The following RASAL2 variants were observed in gnomAD, a reference collection of about 807,000 sequenced individuals.
RASAL2 encodes ras GTPase-activating protein nGAP.
RASAL2 carries 58 observed loss-of-function variants against 128.9 expected under a neutral mutation model. That is an observed-to-expected ratio of 0.45 (90% confidence interval 0.36 to 0.56). The LOEUF is 0.56. Ranked by LOEUF, RASAL2 falls within the 20% of genes least tolerant of loss-of-function variation. RASAL2 has a pLI of 0.00. For missense variants in RASAL2, 1,360 were observed against 1,601.6 expected (o/e 0.85, Z 2.57); for synonymous variants, 561 against 580.8 (o/e 0.97, Z 0.49).
intron 9 of RASAL2, among the ~76,000 whole-genome samples, chr1:178,450,715 C>A (rs1047842288): frequency 1.3e-5 from 2 of 152,082 alleles, no homozygotes; most frequent in African/African-American, 4.8e-5. Flanking sequence ...CTATAAAAAA[C>A]CAAGAATACA....
intron 4 of RASAL2, among the ~76,000 whole-genome samples, chr1:178,402,428 T>C (rs1673696755): frequency 6.6e-6 from 1 of 151,592 alleles, no homozygotes; most frequent in Non-Finnish European, 1.5e-5. Flanking sequence ...CCAACATATA[T>C]ATTATATATA....
At chr1:178,358,149 T>C (rs781769170) in intron 3 of RASAL2, among the ~76,000 whole-genome samples, 17 of 147,348 alleles carry the variant, frequency 1.2e-4, no homozygotes, top group Non-Finnish European at 1.9e-4. Context: ...GGCACAAGAA[T>C]TGCTTGAACC....
intron 3 of RASAL2, among the ~76,000 whole-genome samples, chr1:178,355,004 G>A (rs911267292): frequency 6.6e-6 from 1 of 152,120 alleles, no homozygotes; most frequent in African/African-American, 2.4e-5. Context: ...CATGCCTGTG[G>A]TCCCAGCTAC....
chr1:178,430,144 A>G (rs1381566637), intron 5 of RASAL2, among the ~76,000 whole-genome samples: 1 of 152,124 alleles, frequency 6.6e-6, no homozygotes, highest in Admixed American at 6.6e-5. Context: ...TTGGCCTGAA[A>G]CAGAAGAGGA....
At chr1:178,244,596 A>G (rs1364592221) in intron 1 of RASAL2, among the ~76,000 whole-genome samples, 7 of 152,170 alleles carry the variant, frequency 4.6e-5, no homozygotes, top group East Asian at 1.9e-4. Flanking sequence ...TCTGGGATAT[A>G]TGTGCTTAAT....
chr1:178,195,489 C>G (rs1036087573), intron 1 of RASAL2, among the ~76,000 whole-genome samples: 1 of 151,882 alleles, frequency 6.6e-6, no homozygotes, highest in Non-Finnish European at 1.5e-5. Flanking sequence ...GTGTGGCTCC[C>G]AAAGCCACAC....
At chr1:178,341,751 G>T in intron 3 of RASAL2, 2 of 1,178,642 alleles carry the variant, frequency 1.7e-6, no homozygotes, top group South Asian at 1.4e-5. Context: ...TTATTGCTGT[G>T]AGTTCACAGA....
At chr1:178,446,321 C>G (rs11581970) in intron 9 of RASAL2, among the ~76,000 whole-genome samples, 1,961 of 152,312 alleles carry the variant, frequency 0.013, 23 homozygotes, top group South Asian at 0.021. Context: ...TCCCCACTAC[C>G]TGCACACACT....
intron 1 of RASAL2, among the ~76,000 whole-genome samples, chr1:178,162,857 G>A (rs1399039947): frequency 6.6e-6 from 1 of 151,576 alleles, no homozygotes. Flanking sequence ...CAAAGTGCTG[G>A]GATTGTGAGC....
At chr1:178,151,860 G>A (rs568099666) in intron 1 of RASAL2, among the ~76,000 whole-genome samples, 8 of 152,302 alleles carry the variant, frequency 5.3e-5, no homozygotes, top group African/African-American at 1.9e-4. Context: ...GTACCCAGAG[G>A]ACGTCTGTAT....
At chr1:178,194,928 G>A (rs1175781713) in intron 1 of RASAL2, among the ~76,000 whole-genome samples, 1 of 152,206 alleles carries the variant, frequency 6.6e-6, no homozygotes, top group Non-Finnish European at 1.5e-5. Flanking sequence ...AATAAAAATA[G>A]TTGTATAAGG....
rs187394977 is a variant in RASAL2, at chr1:178,261,788, G to A, written c.203-21776G>A. On this transcript the variant is annotated intron_variant, in intron 1 of 17. Transcript: ENST00000367649. ...AAAAAGTAGCCTGGTGTGGTGGTGG[G>A]CGCCTGTCATCCCAGCTACTCAGGA... Among the ~76,000 whole-genome samples the A allele has an allele frequency of 2.6e-3, 399 of 151,902 alleles. 1 individual carries two copies. The highest frequency in any genetic ancestry group is 9.0e-3 in the African/African-American group (373 of 41,432).
chr1:178,341,553 C>A (rs752700739), intron 3 of RASAL2: 7 of 1,613,532 alleles, frequency 4.3e-6, no homozygotes, highest in Non-Finnish European at 5.9e-6. Context: ...TTCTGACTGG[C>A]GTGCCGGAAA....
At chr1:178,292,434 A>G (rs778366044) in intron 2 of RASAL2, among the ~76,000 whole-genome samples, 3 of 152,184 alleles carry the variant, frequency 2.0e-5, no homozygotes, top group Non-Finnish European at 4.4e-5. Context: ...CCAATGACCA[A>G]TCTGGGAATG....
intron 5 of RASAL2, among the ~76,000 whole-genome samples, chr1:178,421,100 A>G (rs1057216293): frequency 6.6e-6 from 1 of 152,184 alleles, no homozygotes; most frequent in Non-Finnish European, 1.5e-5. Context: ...AATCTTGCCC[A>G]GGGTCATACA....
At chr1:178,388,805 C>G (rs926126516) in intron 3 of RASAL2, among the ~76,000 whole-genome samples, 4 of 152,176 alleles carry the variant, frequency 2.6e-5, no homozygotes, top group Non-Finnish European at 5.9e-5. Flanking sequence ...TTTTTTCTTG[C>G]TGCAGATTAG....
chr1:178,470,668 A>G (rs1648172378), intron 17 of RASAL2: 1 of 1,363,504 alleles, frequency 7.3e-7, no homozygotes, highest in South Asian at 1.1e-5. Flanking sequence ...GTTGCAAGTG[A>G]TATCTCCGCT....
At chr1:178,094,870 A>G (rs1658615317) in intron 1 of RASAL2, among the ~76,000 whole-genome samples, 176 bp downstream of exon 1, 1 of 152,190 alleles carries the variant, frequency 6.6e-6, no homozygotes, top group Non-Finnish European at 1.5e-5. Context: ...TCACTTGGGC[A>G]GGGATGTCAC....
rs912003529 is a variant in RASAL2 at position 178,352,293 on chromosome 1, G to A, written c.458-37807G>A. ...TAATAATAAAAATGAGATGTTTTGT[G>A]GCAAAGTTATCTTGGGGTAAATGCT... On this transcript the variant is annotated intron_variant, in intron 3 of 17. Coordinates refer to ENST00000367649, the MANE Select transcript of RASAL2 (RefSeq NM_170692.4). Among the ~76,000 whole-genome samples the A allele has an allele frequency of 5.9e-5, 9 of 152,336 alleles. No homozygotes were observed. The East Asian group carries it at 1.7e-3, about 29-fold the overall frequency.
Sources: allele counts gnomAD v4.1 joint callset (sites outside exome capture counted in the v4.1 genomes callset), GRCh38; gene constraint gnomAD v4.1.1; transcripts MANE v1.5; gene names NCBI Gene and HGNC (gene_info 2026-07-23, HGNC 2026-07-21).